Variants in DNER observed in about 807,000 individuals in gnomAD.
DNER encodes the protein delta/notch like EGF repeat containing.
DNER carries 33 observed loss-of-function variants against 78.2 expected under a neutral mutation model. That is an observed-to-expected ratio of 0.42 (90% CI 0.32 to 0.56). The LOEUF is 0.56. Among genes scored for constraint, DNER ranks in the 20% least tolerant of loss-of-function variants. The pLI, the probability that DNER is intolerant of heterozygous loss-of-function variation, is 0.11. For synonymous variants in DNER, 417 were observed against 384.8 expected, an observed-to-expected ratio of 1.08 and a Z score of -0.98; for missense variants, 918 against 975.3, an observed-to-expected ratio of 0.94 and a Z score of 0.78.
intron 1 of DNER, among the ~76,000 whole-genome samples, chr2:229,705,567 C>T (rs1339158168): frequency 6.6e-6 from 1 of 152,152 alleles, no homozygotes; most frequent in Non-Finnish European, 1.5e-5. Context: ...AGTCACAAAC[C>T]ATGGAGCAGT....
intron 1 of DNER, among the ~76,000 whole-genome samples, chr2:229,701,360 T>G (rs1180338387): frequency 6.6e-6 from 1 of 152,274 alleles, no homozygotes; most frequent in African/African-American, 2.4e-5. Flanking sequence ...GGGGTAAGGT[T>G]GCCATATTTA....
chr2:229,694,326 ACCCTGCACAGAGT>A (rs1465191317), intron 1 of DNER, among the ~76,000 whole-genome samples: 1 of 152,192 alleles, frequency 6.6e-6, no homozygotes, highest in African/African-American at 2.4e-5. Context: ...GGGGTCAGAG[ACCCTGCACAGAGT>A]CCCCACTGGG....
At chr2:229,546,812 GAC>G in intron 5 of DNER, 133 bp downstream of exon 5, 1 of 1,277,448 alleles carries the variant, frequency 7.8e-7, no homozygotes, top group Non-Finnish European at 1.1e-6. Flanking sequence ...TAGACAGACA[GAC>G]AGACAGACAG....
intron 1 of DNER, among the ~76,000 whole-genome samples, chr2:229,626,590 A>C (rs1238516222): frequency 6.6e-6 from 1 of 152,222 alleles, no homozygotes. Flanking sequence ...GAAACTATAA[A>C]AGAAGCAACA....
At chr2:229,371,236 C>G (rs986970953) in intron 11 of DNER, among the ~76,000 whole-genome samples, 1 of 152,184 alleles carries the variant, frequency 6.6e-6, no homozygotes. Flanking sequence ...GTCTGAGAGA[C>G]AGCAAATTTA....
chr2:229,633,723 A>G lies in DNER; in HGVS notation c.277-41835T>C, dbSNP rs181876732. Among the ~76,000 whole-genome samples the G allele has an allele frequency of 4.6e-5, 7 of 152,302 alleles. 1 individual carries two copies. Among genetic ancestry groups the G allele is most frequent in the Admixed American group, 2.0e-4 (3 of 15,308 alleles). On this transcript the variant is annotated intron_variant, in intron 1 of 12. Transcript: ENST00000341772. ...AGCCCGTTCAGGGCCTGTTCCCAAG[A>G]GCTGGGACATAGTGGACAGCAGGCG...
intron 1 of DNER, among the ~76,000 whole-genome samples, chr2:229,687,359 G>A (rs1699501554): frequency 1.3e-5 from 2 of 151,644 alleles, no homozygotes; most frequent in South Asian, 2.1e-4. Flanking sequence ...CACCTCCAGG[G>A]TTCAAGCAAT....
intron 5 of DNER, among the ~76,000 whole-genome samples, chr2:229,539,587 T>C (rs1166233194): frequency 6.6e-6 from 1 of 152,236 alleles, no homozygotes; most frequent in Non-Finnish European, 1.5e-5. Flanking sequence ...GAACTTAAAG[T>C]ACAGATCTAA....
chr2:229,579,057 G>T (rs1156446207), intron 4 of DNER, among the ~76,000 whole-genome samples: 1 of 152,134 alleles, frequency 6.6e-6, no homozygotes, highest in Non-Finnish European at 1.5e-5. Context: ...TCTATTTCCA[G>T]TTGTGATGGT....
chr2:229,360,479 C>T (rs112919363), intron 12 of DNER, among the ~76,000 whole-genome samples: 1,910 of 152,252 alleles, frequency 0.013, 38 homozygotes, highest in African/African-American at 0.044. Context: ...GGCGTGGTCT[C>T]GGCTCACGCG....
intron 10 of DNER, among the ~76,000 whole-genome samples, chr2:229,399,047 G>C (rs1161311407): frequency 6.6e-6 from 1 of 151,854 alleles, no homozygotes; most frequent in Non-Finnish European, 1.5e-5. Context: ...ACTGAACCTA[G>C]TGTTAGAAGT....
intron 1 of DNER, among the ~76,000 whole-genome samples, chr2:229,621,544 C>T (rs549918893): frequency 6.6e-5 from 10 of 152,184 alleles, no homozygotes; most frequent in Admixed American, 2.0e-4. Flanking sequence ...TGCACCTGGC[C>T]TCACCCTCAC....
chr2:229,450,618 C>T (rs1694436013), intron 7 of DNER, among the ~76,000 whole-genome samples: 1 of 152,090 alleles, frequency 6.6e-6, no homozygotes, highest in Non-Finnish European at 1.5e-5. Flanking sequence ...AGGTTGAGCC[C>T]TAATGCAATC....
At chr2:229,493,034 G>T (rs374013061) in intron 6 of DNER, among the ~76,000 whole-genome samples, 1 of 152,128 alleles carries the variant, frequency 6.6e-6, no homozygotes, top group East Asian at 1.9e-4. Context: ...AGGTGAAAAA[G>T]GCTGGGTTTG....
Position 229,447,433 on chromosome 2 carries a change from T to A in DNER, c.1369A>T (p.Ser457Cys), listed in dbSNP as rs768906102. 3.1e-6 allele frequency: 5 copies of A among 1,614,056 alleles called. No homozygotes were observed. In the Admixed American group the frequency reaches 5.0e-5, roughly 16 times the overall value. The change falls in exon 8 of 13, where the codon AGC becomes TGC. Residue 457 changes from serine (S) to cysteine (C), a missense_variant. Coordinates refer to ENST00000341772, the MANE Select transcript of DNER (RefSeq NM_139072.4). ...VDGVHFTCNC[S>C]PGFTGPTCAQ... is the part of the protein sequence containing the mutation. ...CAGGTCGGCCCTGTGAAGCCCGGGC[T>A]GCAGTTGCAGGTAAAGTGTACCCCG...
intron 12 of DNER, among the ~76,000 whole-genome samples, chr2:229,365,742 T>C (rs1011531757): frequency 7.9e-5 from 12 of 152,194 alleles, no homozygotes; most frequent in Admixed American, 2.6e-4. Flanking sequence ...AGCCAGGTCT[T>C]CTCATGTCTT....
At chr2:229,618,710 A>G (rs1251491791) in intron 1 of DNER, among the ~76,000 whole-genome samples, 1 of 152,228 alleles carries the variant, frequency 6.6e-6, no homozygotes, top group Non-Finnish European at 1.5e-5. Flanking sequence ...AAATTAGTAA[A>G]TTGGCTGAAT....
chr2:229,605,492 T>C (rs1238876321), intron 1 of DNER, among the ~76,000 whole-genome samples: 1 of 152,198 alleles, frequency 6.6e-6, no homozygotes, highest in Non-Finnish European at 1.5e-5. Context: ...AATTAAGGCA[T>C]AACATTAGAA....
chr2:229,708,378 C>G, intron 1 of DNER, among the ~76,000 whole-genome samples: 1 of 152,210 alleles, frequency 6.6e-6, no homozygotes, highest in South Asian at 2.1e-4. Context: ...AGGACCCACT[C>G]ATTTTTGTTC....
Sources: gnomAD v4.1 joint callset for allele counts (sites outside exome capture counted in the v4.1 genomes callset) on GRCh38, gnomAD v4.1.1 for gene constraint, MANE v1.5 for transcripts, NCBI Gene and HGNC (gene_info 2026-07-23, HGNC 2026-07-21) for gene names.